DLGAP4: variants seen among roughly 807,000 people sequenced by gnomAD.
DLGAP4 encodes the protein disks large-associated protein 4.
Under a neutral mutation model 86.9 loss-of-function variants are expected in DLGAP4, and 18 were observed. That is an observed-to-expected ratio of 0.21 (90% CI 0.14 to 0.31). The LOEUF (loss-of-function observed/expected upper bound fraction) is 0.31, where lower values mean the gene tolerates loss of function less well. Ranked by LOEUF, DLGAP4 falls within the 10% of genes least tolerant of loss-of-function variation. The pLI is 1.00. For missense variants in DLGAP4, 1,085 were observed against 1,362.6 expected (o/e 0.80, Z 3.21); for synonymous variants, 548 against 574.3 (o/e 0.95, Z 0.65).
rs542738187 is a variant in DLGAP4 at position 36,528,487 on chromosome 20, G to A, written c.*1456G>A. On this transcript the variant is annotated 3_prime_UTR_variant, in exon 13 of 13. Coordinates refer to ENST00000339266, the MANE Select transcript of DLGAP4 (RefSeq NM_001365621.2). The stretch of plus-strand genomic sequence containing the variant: ...AGGTGAACCAAGGGTCTGCTCCGGG[G>A]CCCATTTCCAGCTTGGCCGCCGTCT... 2.0e-4 allele frequency: 30 copies of A among 152,636 alleles called. No individual in the cohort carries two copies. The highest frequency in any genetic ancestry group is 6.0e-4 in the African/African-American group (25 of 41,512). 9.5% of individuals were successfully genotyped at this position (152,636 alleles called of 1,614,324 possible). A position where few individuals can be genotyped will look rare whatever the true frequency, so the allele number is the denominator to read the frequency against.
chr20:36,382,155 T>C (rs2031416831), intron 2 of DLGAP4, among the ~76,000 whole-genome samples: 1 of 152,102 alleles, frequency 6.6e-6, no homozygotes, highest in Non-Finnish European at 1.5e-5. Flanking sequence ...AGGGCAGAGA[T>C]CTGGTTTTGT....
chr20:36,322,003 C>G (rs1371891565), intron 1 of DLGAP4, among the ~76,000 whole-genome samples: 2 of 152,070 alleles, frequency 1.3e-5, no homozygotes, highest in South Asian at 2.1e-4. Context: ...GGACATGGCT[C>G]TGAGTGAAAG....
intron 2 of DLGAP4, among the ~76,000 whole-genome samples, chr20:36,404,102 C>G (rs897055539): frequency 6.6e-6 from 1 of 152,146 alleles, no homozygotes. Flanking sequence ...CTGTGAATAC[C>G]AGGAGACGAG....
chr20:36,355,236 C>T (rs1450722086), intron 1 of DLGAP4, among the ~76,000 whole-genome samples: 1 of 151,814 alleles, frequency 6.6e-6, no homozygotes, highest in African/African-American at 2.4e-5. Context: ...GTAGTCTTCA[C>T]GTCTAGCTTC....
chr20:36,359,686 C>T (rs1439173244), intron 1 of DLGAP4, among the ~76,000 whole-genome samples: 2 of 152,180 alleles, frequency 1.3e-5, no homozygotes, highest in Non-Finnish European at 2.9e-5. Flanking sequence ...CCAGTTGGTA[C>T]TGCGTGCAAG....
intron 7 of DLGAP4, among the ~76,000 whole-genome samples, chr20:36,466,963 T>TCTGTCTCTCTCC (rs1381695176): frequency 6.7e-6 from 1 of 150,300 alleles, no homozygotes; most frequent in African/African-American, 2.5e-5. Context: ...TCTCTCTCTC[T>TCTGTCTCTCTCC]CTGTCTCTCT....
chr20:36,501,892 T>A (rs951006802), intron 10 of DLGAP4, among the ~76,000 whole-genome samples: 21 of 152,160 alleles, frequency 1.4e-4, no homozygotes, highest in African/African-American at 5.1e-4. Context: ...TAATAGTATT[T>A]TAAAAAATCA....
At chr20:36,516,525 G>T (rs1688062355) in intron 10 of DLGAP4, among the ~76,000 whole-genome samples, 4 of 151,936 alleles carry the variant, frequency 2.6e-5, no homozygotes, top group Admixed American at 1.3e-4. Context: ...AGTTAGCGGG[G>T]CGTGGTGGCG....
chr20:36,462,393 CTG>C (rs1385058164), intron 7 of DLGAP4: 3 of 1,338,186 alleles, frequency 2.2e-6, no homozygotes, highest in African/African-American at 1.7e-5. Context: ...TCTCGCCACT[CTG>C]TGCCTCTTGC....
chr20:36,365,215 C>T (rs1555894531), intron 1 of DLGAP4, among the ~76,000 whole-genome samples: 1 of 152,246 alleles, frequency 6.6e-6, no homozygotes, highest in Non-Finnish European at 1.5e-5. Context: ...CCTGCGGCAC[C>T]CTGCCGTGCT....
At chr20:36,450,671 T>G (rs1012428509) in intron 7 of DLGAP4, among the ~76,000 whole-genome samples, 1 of 152,224 alleles carries the variant, frequency 6.6e-6, no homozygotes, top group Admixed American at 6.5e-5. Flanking sequence ...TGGATGTGGC[T>G]TCTGTCGAAC....
At chr20:36,524,168 G>A (rs1253478159) in intron 10 of DLGAP4, 82 bp from the exon 11 acceptor site, 26 of 1,055,964 alleles carry the variant, frequency 2.5e-5, no homozygotes, top group Non-Finnish European at 3.6e-5. Flanking sequence ...AAGGGAGTGT[G>A]GGAGGAGATT....
At chr20:36,384,924 C>T (rs1476433334) in intron 2 of DLGAP4, among the ~76,000 whole-genome samples, 2 of 152,158 alleles carry the variant, frequency 1.3e-5, no homozygotes, top group Non-Finnish European at 2.9e-5. Context: ...TGAAGAGCAA[C>T]TGGTTTCATT....
At chr20:36,485,191 G>C (rs1228943477) in intron 7 of DLGAP4, among the ~76,000 whole-genome samples, 1 of 151,994 alleles carries the variant, frequency 6.6e-6, no homozygotes, top group African/African-American at 2.4e-5. Context: ...TTTGAGACCA[G>C]CTTGGGCAAC....
Position 36,449,914 on chromosome 20 carries a change from C to G in DLGAP4, c.1648+2977C>G, listed in dbSNP as rs146501098. Among the ~76,000 whole-genome samples, 620 of 152,352 alleles carry G rather than the reference C, an allele frequency of 4.1e-3. 4 individuals carry two copies. Among genetic ancestry groups the G allele is most frequent in the African/African-American group, 0.014 (600 of 41,586 alleles). Reference sequence around the variant, plus strand: ...CCCAAGTTTGTCAGTTGGGACAGTTCTGCTCCACATGTCTTTCATCCTCCT... The same window carrying G: ...CCCAAGTTTGTCAGTTGGGACAGTTGTGCTCCACATGTCTTTCATCCTCCT... On this transcript the variant is annotated intron_variant, in intron 7 of 12. Coordinates refer to ENST00000339266, the MANE Select transcript of DLGAP4 (RefSeq NM_001365621.2).
At chr20:36,401,363 C>T (rs1284399420) in intron 2 of DLGAP4, among the ~76,000 whole-genome samples, 13 of 152,198 alleles carry the variant, frequency 8.5e-5, no homozygotes, top group East Asian at 1.9e-4. Flanking sequence ...GCCTCCCTGG[C>T]GGGTCCAGAC....
chr20:36,487,523 C>T lies in DLGAP4; in HGVS notation c.1649-9182C>T, dbSNP rs149424333. ...GGATCTCCTTTCCTCAATCCCTATC[C>T]TCCCTCCACGAGCTAAGGTACCTAA... is the stretch of plus-strand genomic sequence containing the variant. On this transcript the variant is annotated intron_variant, in intron 7 of 12. Coordinates refer to ENST00000339266, the MANE Select transcript of DLGAP4 (RefSeq NM_001365621.2). Among the ~76,000 whole-genome samples, 915 of 152,248 alleles carry T rather than the reference C, an allele frequency of 6.0e-3. 4 individuals carry two copies. Among genetic ancestry groups the T allele is most frequent in the South Asian group, 0.01 (49 of 4,828 alleles).
chr20:36,522,543 T>C (rs1216893020), intron 10 of DLGAP4, among the ~76,000 whole-genome samples: 1 of 152,172 alleles, frequency 6.6e-6, no homozygotes, highest in African/African-American at 2.4e-5. Context: ...GTTTTTGAGA[T>C]GGAGTCTTAC....
intron 7 of DLGAP4, among the ~76,000 whole-genome samples, chr20:36,494,984 GTTTT>G (rs752411826): frequency 9.9e-3 from 750 of 75,388 alleles, no homozygotes; most frequent in African/African-American, 0.037. Context: ...TTTTTGTTCG[GTTTT>G]TTTTTTTTTT....
Sources: allele counts gnomAD v4.1 joint callset (sites outside exome capture counted in the v4.1 genomes callset), GRCh38; gene constraint gnomAD v4.1.1; transcripts MANE v1.5; gene names NCBI Gene and HGNC (gene_info 2026-07-23, HGNC 2026-07-21).